SIGLEC1: variants seen among roughly 807,000 people sequenced by gnomAD.
SIGLEC1 encodes the protein sialic acid binding Ig like lectin 1.
In SIGLEC1, 132 loss-of-function variants were observed where a neutral mutation model predicts 148.0. The observed-to-expected ratio is 0.89, with a 90% confidence interval of 0.77 to 1.03. The LOEUF (loss-of-function observed/expected upper bound fraction) is 1.03, where lower values mean the gene tolerates loss of function less well. SIGLEC1 is among the 50% of genes least tolerant of loss of function. SIGLEC1 has a pLI of 0.00. For synonymous variants in SIGLEC1, 945 were observed against 969.0 expected, an observed-to-expected ratio of 0.98 and a Z score of 0.46; for missense variants, 2,253 against 2,271.4, an observed-to-expected ratio of 0.99 and a Z score of 0.16.
chr20:3,700,593 A>G (rs1199302734), intron 7 of SIGLEC1, among the ~76,000 whole-genome samples: 1 of 152,126 alleles, frequency 6.6e-6, no homozygotes, highest in Non-Finnish European at 1.5e-5. Context: ...CAAAAAACAA[A>G]AAGAAAAACC....
At chr20:3,698,716 C>T (rs1207927702) in intron 8 of SIGLEC1, among the ~76,000 whole-genome samples, 2 of 152,202 alleles carry the variant, frequency 1.3e-5, no homozygotes, top group African/African-American at 4.8e-5. Context: ...CTGACAGTTC[C>T]GGGACGTGGC....
In SIGLEC1 at chr20:3,703,596, TG is replaced by T. The variant is rs1199538978; in HGVS notation, c.974-146del. On this transcript the variant is annotated intron_variant, in intron 5 of 21. Coordinates refer to ENST00000344754, the MANE Select transcript of SIGLEC1 (RefSeq NM_023068.4). ...GCTGCTACAGGGGAGCCTCCTGGAG[TG>T]CTCTGCATCTCTTTGTCCTGCTCAC... 10 of 1,168,012 alleles carry T rather than the reference TG, an allele frequency of 8.6e-6. 1 individual carries two copies. The highest frequency in any genetic ancestry group is 5.7e-4 in the Middle Eastern group (2 of 3,530). The allele number at this position is 1,168,012 out of a possible 1,614,324, so 72.4% of individuals were successfully genotyped here.
rs145317466 is a variant in SIGLEC1, at chr20:3,691,917, C to T, written c.4316G>A (p.Arg1439Gln). 11 of 1,577,278 alleles carry T rather than the reference C, an allele frequency of 7.0e-6. No homozygotes were observed. The highest frequency in any genetic ancestry group is 1.7e-4 in the Middle Eastern group (1 of 5,916). The change falls in exon 17 of 22, where the codon CGG (arginine) becomes CAG (glutamine). Residue 1439 changes from arginine (R) to glutamine (Q), a missense_variant. Arg to Gln is a conservative substitution (Grantham distance 43, BLOSUM62 1). Coordinates refer to ENST00000344754, the MANE Select transcript of SIGLEC1 (RefSeq NM_023068.4). Reference protein sequence around the residue: ...NLLGSISTIGRLQVEGARVVA... With the variant: ...NLLGSISTIGQLQVEGARVVA... Reference sequence around the variant, plus strand: ...CTTCCACTCACCTTCTACCTGCAACCGCCCGATGGTGCTGATTGAGCCCAG... The same window carrying T: ...CTTCCACTCACCTTCTACCTGCAACTGCCCGATGGTGCTGATTGAGCCCAG...
chr20:3,702,810 T>C (rs1199253874), intron 6 of SIGLEC1, among the ~76,000 whole-genome samples: 1 of 152,178 alleles, frequency 6.6e-6, no homozygotes, highest in Non-Finnish European at 1.5e-5. Context: ...TGGATGTGCA[T>C]ACACACAAGT....
chr20:3,691,242 G>A lies in SIGLEC1; in HGVS notation c.4591+98C>T, dbSNP rs879664757. 62 of 1,477,554 alleles carry A rather than the reference G, an allele frequency of 4.2e-5. 1 individual carries two copies. Among genetic ancestry groups the A allele is most frequent in the East Asian group, 2.3e-4 (10 of 43,842 alleles). The allele number at this position is 1,477,554 out of a possible 1,614,324, so 91.5% of individuals were successfully genotyped here. A position where few individuals can be genotyped will look rare whatever the true frequency, so the allele number is the denominator to read the frequency against. On this transcript the variant is annotated intron_variant, in intron 18 of 21. Coordinates refer to ENST00000344754, the MANE Select transcript of SIGLEC1 (RefSeq NM_023068.4). Reference sequence around the variant, plus strand: ...GATTCCAACCCAGGACTCAATATCCGTGAAGCCTTCACTCTTGGCAGACAG... The same window carrying A: ...GATTCCAACCCAGGACTCAATATCCATGAAGCCTTCACTCTTGGCAGACAG...
intron 4 of SIGLEC1, 143 bp downstream of exon 4, chr20:3,705,601 A>G (rs55742084): frequency 0.071 from 57,793 of 816,812 alleles, 2,440 homozygotes; most frequent in East Asian, 0.13. Flanking sequence ...GTGTCTCTCC[A>G]CTTGCCCTAC....
Position 3,696,818 on chromosome 20 carries a change from G to A in SIGLEC1, c.2451C>T (p.Cys817=). The part of the protein sequence containing the change: ...MGQGHMALFI[C]TVDSRPLALL... ...AGGCCAGGGGGCGGCTGTCCACAGT[G>A]CAGATGAACAGAGCCATGTGGCCCT... Residue 817 remains cysteine, a synonymous_variant, in exon 11 of 22, where the codon TGC becomes TGT. Transcript: ENST00000344754. 1 of 1,605,742 alleles carries A rather than the reference G, an allele frequency of 6.2e-7. No individual in the cohort carries two copies. The highest frequency in any genetic ancestry group is 8.5e-7 in the Non-Finnish European group (1 of 1,175,554).
At chr20:3,699,063 G>T in intron 8 of SIGLEC1, 139 bp downstream of exon 8, 1 of 955,702 alleles carries the variant, frequency 1.0e-6, no homozygotes, top group Non-Finnish European at 1.6e-6. Flanking sequence ...CACATGGAAA[G>T]ACCCACTGTG....
intron 13 of SIGLEC1, 130 bp downstream of exon 13, chr20:3,694,091 T>C (rs2146521428): frequency 9.7e-7 from 1 of 1,029,508 alleles, no homozygotes; most frequent in Non-Finnish European, 1.4e-6. Flanking sequence ...GAGTCCACCA[T>C]CGTTAGGAAG....
chr20:3,712,365 G>GCCC (rs5840008), intron 1 of SIGLEC1, among the ~76,000 whole-genome samples, 105 bp downstream of exon 1: 6 of 145,236 alleles, frequency 4.1e-5, no homozygotes, highest in Admixed American at 2.1e-4. Flanking sequence ...CCCAGATGGA[G>GCCC]CCCCCCCCCG....
At position 3,691,545 on chromosome 20, in the gene SIGLEC1, G is replaced by A. The variant is rs542336107; in HGVS notation, c.4386C>T (p.Asn1462=). Reference sequence around the variant, plus strand: ...GGCCACCCAGGAGGCGGCAGCTGAGGTTCAGGGCAGCGCCCTCAGGCACGT... The same window carrying A: ...GGCCACCCAGGAGGCGGCAGCTGAGATTCAGGGCAGCGCCCTCAGGCACGT... The part of the protein sequence containing the change: ...GLDVPEGAAL[N]LSCRLLGGPG... Residue 1462 remains asparagine, a synonymous_variant, in exon 18 of 22, where the codon AAC becomes AAT. Transcript: ENST00000344754. 6 of 1,613,162 alleles carry A rather than the reference G, an allele frequency of 3.7e-6. No homozygotes were observed. In the South Asian group the frequency reaches 5.5e-5, roughly 15 times the overall value.
rs1056678521 is a variant in SIGLEC1 at position 3,705,965 on chromosome 20, G to A, written c.485C>T (p.Thr162Ile). ...CTGCTCCTGCAGGCATACGTAGGGA[G>A]TGGAGCAGTTGAAGTCCACCTCTGT... is the stretch of plus-strand genomic sequence containing the variant. ...EGTEVDFNCS[T>I]PYVCLQEQVR... Residue 162 changes from threonine (T) to isoleucine (I), a missense_variant, in exon 4 of 22, where the codon ACT (threonine) becomes ATT (isoleucine). Physicochemically the swap from Thr to Ile is moderately conservative, Grantham distance 89. Coordinates refer to ENST00000344754, the MANE Select transcript of SIGLEC1 (RefSeq NM_023068.4). 3.7e-6 allele frequency: 6 copies of A among 1,614,116 alleles called. No individual in the cohort carries two copies. Among genetic ancestry groups the A allele is most frequent in the Non-Finnish European group, 2.5e-6 (3 of 1,180,034 alleles).
chr20:3,707,052 A>T, intron 2 of SIGLEC1, 28 bp downstream of exon 2: 1 of 1,610,624 alleles, frequency 6.2e-7, no homozygotes, highest in Non-Finnish European at 8.5e-7. Flanking sequence ...GGACCCTGGA[A>T]GACAGGCACT....
chr20:3,696,269 T>C (rs1479796922), intron 11 of SIGLEC1, among the ~76,000 whole-genome samples: 2 of 152,144 alleles, frequency 1.3e-5, no homozygotes, highest in African/African-American at 4.8e-5. Context: ...ATATGCATAA[T>C]ATAAATATAC....
Position 3,693,514 on chromosome 20 carries a change from G to A in SIGLEC1, c.3441C>T (p.Tyr1147=). ...GACCAGGGGGGCCCACACCGCAGCG[G>A]TAGGAGGTGGCATCCCTGACTGTGA... The part of the protein sequence containing the change: ...PNVTVRDATS[Y]RCGVGPPGRA... The change falls in exon 14 of 22, where the codon TAC becomes TAT. Residue 1147 remains tyrosine (Y), a synonymous_variant. Transcript: ENST00000344754. 6.2e-7 allele frequency: 1 copy of A among 1,611,104 alleles called. No individual in the cohort carries two copies. Among genetic ancestry groups the A allele is most frequent in the South Asian group, 1.1e-5 (1 of 90,658 alleles).
At position 3,692,061 on chromosome 20, in the gene SIGLEC1, C is replaced by T. The variant is rs949311194; in HGVS notation, c.4172G>A (p.Gly1391Glu). Residue 1391 changes from glycine to glutamate, a missense_variant, in exon 17 of 22, where the codon GGG becomes GAG. By Grantham distance (98) the Gly-to-Glu change is moderately conservative. Coordinates refer to ENST00000344754, the MANE Select transcript of SIGLEC1 (RefSeq NM_023068.4). ...HDGKVLATSS[G>E]VHSLASGTGH... Reference sequence around the variant, plus strand: ...TGTCCCTGATGCCAAGCTGTGGACCCCGCTGCTCGTGGCCAGCACCTTGCC... The same window carrying T: ...TGTCCCTGATGCCAAGCTGTGGACCTCGCTGCTCGTGGCCAGCACCTTGCC... 1.9e-6 allele frequency: 3 copies of T among 1,612,220 alleles called. No individual in the cohort carries two copies. The Admixed American group carries it at 5.0e-5, about 27-fold the overall frequency.
chr20:3,700,135 T>TTTTTTG (rs58446766), intron 7 of SIGLEC1, among the ~76,000 whole-genome samples: 1 of 93,776 alleles, frequency 1.1e-5, no homozygotes, highest in African/African-American at 4.3e-5. Context: ...TTTTTTTTTT[T>TTTTTTG]GAGACGGAGT....
rs769432655 is a variant in SIGLEC1, at chr20:3,699,205, GCA to G, written c.1781_1782del (p.Val594AlafsTer16). 1 of 1,608,848 alleles carries G rather than the reference GCA, an allele frequency of 6.2e-7. No homozygotes were observed. Among genetic ancestry groups the G allele is most frequent in the Non-Finnish European group, 8.5e-7 (1 of 1,178,800 alleles). On this transcript the variant is annotated frameshift_variant, in exon 8 of 22. Coordinates refer to ENST00000344754, the MANE Select transcript of SIGLEC1 (RefSeq NM_023068.4). LOFTEE classifies it high-confidence loss of function. ...GCAACAGGTGGTGGCTGCTCACAGAGCACAGTGAGAACAGCTGGCGAAGAGGG... is the reference window on the plus strand; with the variant it reads ...GCAACAGGTGGTGGCTGCTCACAGAGCAGTGAGAACAGCTGGCGAAGAGGG... ...SGPSSPAVLT[V>X]LYPPRQPTFT... is the part of the protein sequence containing the mutation.
At chr20:3,696,246 C>T (rs1328584266) in intron 11 of SIGLEC1, among the ~76,000 whole-genome samples, 1 of 151,938 alleles carries the variant, frequency 6.6e-6, no homozygotes, top group Non-Finnish European at 1.5e-5. Flanking sequence ...TGTATATACT[C>T]ATACATAAAC....
Sources: allele counts gnomAD v4.1 joint callset (sites outside exome capture counted in the v4.1 genomes callset), GRCh38; gene constraint gnomAD v4.1.1; transcripts MANE v1.5; gene names NCBI Gene and HGNC (gene_info 2026-07-23, HGNC 2026-07-21).